Variants in COL15A1 observed in about 807,000 individuals in gnomAD.
COL15A1 encodes the protein collagen alpha-1(XV) chain.
In COL15A1, 111 loss-of-function variants were observed where a neutral mutation model predicts 165.9. The ratio of observed to expected loss-of-function variants is 0.67; its 90% confidence interval spans 0.57 to 0.78. COL15A1 has a LOEUF of 0.78. COL15A1 is among the 30% of genes least tolerant of loss of function. The pLI is 0.00. For synonymous variants in COL15A1, 659 were observed against 674.8 expected, an observed-to-expected ratio of 0.98 and a Z score of 0.36; for missense variants, 1,745 against 1,789.7, an observed-to-expected ratio of 0.98 and a Z score of 0.45.
At chr9:98,954,754 C>G (rs2118773184) in intron 2 of COL15A1, among the ~76,000 whole-genome samples, 1 of 152,316 alleles carries the variant, frequency 6.6e-6, no homozygotes, top group East Asian at 1.9e-4. Flanking sequence ...ATAATTTATA[C>G]TCCCTGCAAC....
chr9:98,967,189 A>G (rs1446638784), intron 2 of COL15A1, among the ~76,000 whole-genome samples: 2 of 152,156 alleles, frequency 1.3e-5, no homozygotes, highest in Non-Finnish European at 2.9e-5. Flanking sequence ...CAGAGTAGTG[A>G]GAAATTGGAG....
At chr9:98,970,312 C>T (rs549567962) in intron 2 of COL15A1, among the ~76,000 whole-genome samples, 4 of 152,284 alleles carry the variant, frequency 2.6e-5, no homozygotes, top group Middle Eastern at 3.4e-3. Context: ...ATAGAGGGAT[C>T]GTGGAATTCA....
chr9:99,063,159 T>C (rs762388450), intron 39 of COL15A1, 50 bp downstream of exon 39: 77 of 1,537,242 alleles, frequency 5.0e-5, no homozygotes, highest in Non-Finnish European at 6.3e-5. Context: ...GTATATCTGC[T>C]AAGTGCTAGG....
intron 2 of COL15A1, among the ~76,000 whole-genome samples, chr9:98,953,556 A>C (rs1413928764): frequency 3.3e-5 from 5 of 151,948 alleles, no homozygotes; most frequent in Non-Finnish European, 7.4e-5. Context: ...ACCCATCCCA[A>C]CCCAACCAAA....
intron 19 of COL15A1, among the ~76,000 whole-genome samples, chr9:99,035,821 G>A (rs1380492997): frequency 6.6e-6 from 1 of 152,148 alleles, no homozygotes; most frequent in Non-Finnish European, 1.5e-5. Context: ...TCCAGCCCCT[G>A]GCAGGTGTTG....
At chr9:99,048,046 G>T in intron 28 of COL15A1, 46 bp downstream of exon 28, 3 of 1,021,170 alleles carry the variant, frequency 2.9e-6, no homozygotes, top group South Asian at 1.3e-5. Flanking sequence ...TCCAGAGAGG[G>T]TGAGAGAGTG....
Position 99,024,741 on chromosome 9 carries a change from G to C in COL15A1, c.1855-133G>C, listed in dbSNP as rs75962841. On this transcript the variant is annotated intron_variant, in intron 14 of 41. Coordinates refer to ENST00000375001, the MANE Select transcript of COL15A1 (RefSeq NM_001855.5). Reference sequence around the variant, plus strand: ...ATGGTCTCACTGAGCCTTATTTTCCGCATCTGCTAAGTGGGATCACCAAAC... The same window carrying C: ...ATGGTCTCACTGAGCCTTATTTTCCCCATCTGCTAAGTGGGATCACCAAAC... 4.1e-3 allele frequency: 3,974 copies of C among 979,642 alleles called. 124 individuals are homozygous for C. In the African/African-American group the frequency reaches 0.059, roughly 15 times the overall value. 60.7% of individuals were successfully genotyped at this position (979,642 alleles called of 1,614,324 possible).
At chr9:98,986,631 G>T (rs904340388) in intron 3 of COL15A1, among the ~76,000 whole-genome samples, 1 of 152,022 alleles carries the variant, frequency 6.6e-6, no homozygotes, top group African/African-American at 2.4e-5. Context: ...TATCAAAATG[G>T]GCTTTTATGA....
chr9:98,984,211 T>C (rs1246757011), intron 2 of COL15A1, among the ~76,000 whole-genome samples: 1 of 152,238 alleles, frequency 6.6e-6, no homozygotes, highest in Non-Finnish European at 1.5e-5. Context: ...TTGTCCTGGC[T>C]ACAGTGGTCT....
intron 39 of COL15A1, among the ~76,000 whole-genome samples, chr9:99,066,042 T>C (rs1451244973): frequency 6.6e-6 from 1 of 151,990 alleles, no homozygotes; most frequent in Non-Finnish European, 1.5e-5. Flanking sequence ...TATTTTCCTT[T>C]TTGGTAACTT....
At chr9:98,982,576 C>T (rs564809562) in intron 2 of COL15A1, among the ~76,000 whole-genome samples, 14 of 151,854 alleles carry the variant, frequency 9.2e-5, no homozygotes, top group Admixed American at 5.9e-4. Flanking sequence ...GTGACCTCTG[C>T]GGTTCTTTTC....
intron 7 of COL15A1, among the ~76,000 whole-genome samples, chr9:99,002,692 A>G (rs1379774126): frequency 1.3e-5 from 2 of 152,210 alleles, no homozygotes; most frequent in Non-Finnish European, 2.9e-5. Flanking sequence ...TGAGACAGTA[A>G]TTCTGCAAGG....
chr9:98,996,852 T>C lies in COL15A1; in HGVS notation c.805-82T>C. 5.1e-6 allele frequency: 8 copies of C among 1,565,696 alleles called. No individual in the cohort carries two copies. In the South Asian group the frequency reaches 9.5e-5, roughly 19 times the overall value. ...TATTCAGCATCTTGTGGATATATTA[T>C]TTTCTTCAGTGATATTCTCTGTCAT... is the stretch of plus-strand genomic sequence containing the variant. On this transcript the variant is annotated intron_variant, in intron 5 of 41. Transcript: ENST00000375001.
chr9:99,020,258 G>A (rs1450164628), intron 11 of COL15A1, 131 bp from the exon 12 acceptor site: 3 of 686,074 alleles, frequency 4.4e-6, no homozygotes, highest in African/African-American at 3.6e-5. Context: ...GGGGCTCACT[G>A]ACTTCAGCCC....
chr9:98,963,730 T>C (rs1017536264), intron 2 of COL15A1, among the ~76,000 whole-genome samples: 5 of 151,762 alleles, frequency 3.3e-5, no homozygotes, highest in Admixed American at 6.6e-5. Context: ...GTGATGGGTA[T>C]AGGAGTCCTA....
chr9:98,984,652 T>C (rs1271398649), intron 2 of COL15A1, among the ~76,000 whole-genome samples: 1 of 152,186 alleles, frequency 6.6e-6, no homozygotes, highest in Non-Finnish European at 1.5e-5. Flanking sequence ...ATGGCGGTGA[T>C]GTCAAAGGCG....
chr9:99,023,625 T>C (rs1257664194), intron 14 of COL15A1, among the ~76,000 whole-genome samples, 176 bp downstream of exon 14: 1 of 152,158 alleles, frequency 6.6e-6, no homozygotes, highest in African/African-American at 2.4e-5. Flanking sequence ...ATGTTTGAAA[T>C]TGTTCACTTT....
intron 22 of COL15A1, 71 bp downstream of exon 22, chr9:99,038,804 T>C: frequency 1.1e-6 from 1 of 876,976 alleles, no homozygotes; most frequent in Non-Finnish European, 1.9e-6. Context: ...GTCGGGTTAC[T>C]TTGGAATCCT....
intron 22 of COL15A1, among the ~76,000 whole-genome samples, chr9:99,038,999 A>C (rs1296944538): frequency 6.6e-6 from 1 of 152,200 alleles, no homozygotes; most frequent in Non-Finnish European, 1.5e-5. Flanking sequence ...TAAGTAACAA[A>C]CAGATGACAT....
Sources: gnomAD v4.1 joint callset for allele counts (sites outside exome capture counted in the v4.1 genomes callset) on GRCh38, gnomAD v4.1.1 for gene constraint, MANE v1.5 for transcripts, NCBI Gene and HGNC (gene_info 2026-07-23, HGNC 2026-07-21) for gene names.